Variants in TATDN2 observed in about 807,000 individuals in gnomAD.
TATDN2 encodes the protein TatD DNase domain containing 2.
In TATDN2, 44 loss-of-function variants were observed where a neutral mutation model predicts 60.3. That is an observed-to-expected ratio of 0.73 (90% CI 0.57 to 0.94). The LOEUF (loss-of-function observed/expected upper bound fraction) is 0.94. Ranked by LOEUF, TATDN2 falls within the 40% of genes least tolerant of loss-of-function variation. The pLI, the probability that TATDN2 is intolerant of heterozygous loss-of-function variation, is 0.00. For missense variants in TATDN2, 997 were observed against 948.0 expected (o/e 1.05, Z -0.68); for synonymous variants, 399 against 355.8 (o/e 1.12, Z -1.37).
At chr3:10,251,845 C>T (rs1186056679) in intron 2 of TATDN2, among the ~76,000 whole-genome samples, 2 of 134,754 alleles carry the variant, frequency 1.5e-5, no homozygotes, top group Admixed American at 7.3e-5. Context: ...CCACACCCTG[C>T]AGATTAAAAA....
chr3:10,267,652 G>C (rs1331825086), intron 3 of TATDN2, among the ~76,000 whole-genome samples: 1 of 152,198 alleles, frequency 6.6e-6, no homozygotes, highest in Non-Finnish European at 1.5e-5. Flanking sequence ...TTTTGAATCT[G>C]TGTATTGTTC....
rs755395414 is a variant in TATDN2 at position 10,276,500 on chromosome 3, G to A, written c.1961+12G>A. 1.1e-5 allele frequency: 17 copies of A among 1,612,914 alleles called. No homozygotes were observed. The highest frequency in any genetic ancestry group is 1.4e-5 in the Non-Finnish European group (17 of 1,179,704). On this transcript the variant is annotated intron_variant, in intron 5 of 7. Coordinates refer to ENST00000448281, the MANE Select transcript of TATDN2 (RefSeq NM_014760.4). ...TACAAGATCCATAGGTTAGAAGACT[G>A]GAACTTCAGCGGGCAAATGAAAGAA...
chr3:10,255,422 A>G (rs374190164), intron 2 of TATDN2, among the ~76,000 whole-genome samples: 137 of 152,244 alleles, frequency 9.0e-4, no homozygotes, highest in African/African-American at 3.1e-3. Flanking sequence ...GCCATGTAGC[A>G]GTTTCACTTT....
chr3:10,248,906 G>C lies in TATDN2; in HGVS notation c.-168G>C. 2.7e-6 allele frequency: 1 copy of C among 376,562 alleles called. No individual in the cohort carries two copies. Among genetic ancestry groups the C allele is most frequent in the African/African-American group, 2.1e-5 (1 of 48,266 alleles). 23.3% of individuals were successfully genotyped at this position (376,562 alleles called of 1,614,324 possible). On this transcript the variant is annotated 5_prime_UTR_variant, in exon 1 of 8. Transcript: ENST00000448281. ...GAAGCGCTTAGGCATCTCCGAAGTAGCGCTGGGCAAAGTGAAGGCTTCCTG... is the reference window on the plus strand; with the variant it reads ...GAAGCGCTTAGGCATCTCCGAAGTACCGCTGGGCAAAGTGAAGGCTTCCTG...
rs369667150 is a variant in TATDN2 at position 10,280,361 on chromosome 3, A to T, written c.*1179A>T. 3.9e-5 allele frequency: 6 copies of T among 153,834 alleles called. No individual in the cohort carries two copies. The East Asian group carries it at 7.7e-4, about 20-fold the overall frequency. 9.5% of individuals were successfully genotyped at this position (153,834 alleles called of 1,614,324 possible). A position where few individuals can be genotyped will look rare whatever the true frequency, so the allele number is the denominator to read the frequency against. On this transcript the variant is annotated 3_prime_UTR_variant, in exon 8 of 8. Transcript: ENST00000448281. ...AGCAACTGAGTCATCTCAAGTCCTG[A>T]GCTCTGCTCTGCCGCCTGCTGGTGC...
chr3:10,260,648 A>C lies in TATDN2; in HGVS notation c.926A>C (p.Asp309Ala). 2 of 1,613,242 alleles carry C rather than the reference A, an allele frequency of 1.2e-6. No individual in the cohort carries two copies. The highest frequency in any genetic ancestry group is 1.7e-6 in the Non-Finnish European group (2 of 1,179,674). Residue 309 changes from aspartate (D) to alanine (A), a missense_variant, in exon 3 of 8, where the codon GAC becomes GCC. Coordinates refer to ENST00000448281, the MANE Select transcript of TATDN2 (RefSeq NM_014760.4). ...CCCCTAGAGTTCTTGGATGACTCTG[A>C]CTCTCATTTAGAAATCCAAAAGGTG... ...SPPLEFLDDSDSHLEIQKHKD... is the reference protein window; with the variant it reads ...SPPLEFLDDSASHLEIQKHKD...
At chr3:10,279,182 T>C in intron 7 of TATDN2, 39 bp from the exon 8 acceptor site, 1 of 999,070 alleles carries the variant, frequency 1.0e-6, no homozygotes, top group East Asian at 2.7e-5. Context: ...TTGAGTGACA[T>C]GGTTTGGAAC....
chr3:10,276,125 G>A (rs994967828), intron 4 of TATDN2, among the ~76,000 whole-genome samples: 3 of 152,242 alleles, frequency 2.0e-5, no homozygotes, highest in Non-Finnish European at 4.4e-5. Context: ...TGCATGCTGC[G>A]CAGACAGCAG....
At chr3:10,266,775 G>T (rs1029283080) in intron 3 of TATDN2, among the ~76,000 whole-genome samples, 1 of 152,130 alleles carries the variant, frequency 6.6e-6, no homozygotes, top group Non-Finnish European at 1.5e-5. Context: ...AGATGAATTT[G>T]TTCAATCCAT....
In TATDN2 at chr3:10,260,400, G is replaced by A. The variant is rs779771233; in HGVS notation, c.678G>A (p.Arg226=). The A allele has an allele frequency of 6.2e-7, 1 of 1,613,630 alleles. No individual in the cohort carries two copies. The highest frequency in any genetic ancestry group is 8.5e-7 in the Non-Finnish European group (1 of 1,179,932). The stretch of plus-strand genomic sequence containing the variant: ...CCAGCCATGGAGAAGGACCAGCCAG[G>A]AGTGAAGGACCAGCCAAGACTGCAG... ...EHPSHGEGPA[R]SEGPAKTAEG... The change falls in exon 3 of 8, where the codon AGG becomes AGA. Residue 226 remains arginine (R), a synonymous_variant. Transcript: ENST00000448281.
chr3:10,274,857 A>C (rs1025690172), intron 4 of TATDN2, among the ~76,000 whole-genome samples: 1 of 152,214 alleles, frequency 6.6e-6, no homozygotes, highest in South Asian at 2.1e-4. Flanking sequence ...TCTCAAGTGA[A>C]TATCACCTGA....
chr3:10,250,707 G>T (rs1178865706), intron 2 of TATDN2, among the ~76,000 whole-genome samples: 1 of 152,134 alleles, frequency 6.6e-6, no homozygotes, highest in African/African-American at 2.4e-5. Context: ...GTGTGGGCAC[G>T]TGGATTTTTT....
Position 10,278,365 on chromosome 3 carries a change from C to T in TATDN2, c.2048C>T (p.Thr683Ile). Residue 683 changes from threonine (T) to isoleucine (I), a missense_variant, in exon 6 of 8, where the codon ACA becomes ATA. Physicochemically the swap from Thr to Ile is moderately conservative, Grantham distance 89. Coordinates refer to ENST00000448281, the MANE Select transcript of TATDN2 (RefSeq NM_014760.4). The surrounding 1 kb of genome is among the most constrained non-coding windows in gnomAD (Gnocchi z 4.7). Reference sequence around the variant, plus strand: ...TCTGTGGGCTTCACGGCAGTGCTGACATACTCCTCTGCCTGGGAGGCCCGG... The same window carrying T: ...TCTGTGGGCTTCACGGCAGTGCTGATATACTCCTCTGCCTGGGAGGCCCGG... ...NMSVGFTAVLTYSSAWEAREA... is the reference protein window; with the variant it reads ...NMSVGFTAVLIYSSAWEAREA... 1 of 1,614,204 alleles carries T rather than the reference C, an allele frequency of 6.2e-7. No homozygotes were observed. Among genetic ancestry groups the T allele is most frequent in the Non-Finnish European group, 8.5e-7 (1 of 1,180,024 alleles).
At chr3:10,266,520 C>G (rs1438159818) in intron 3 of TATDN2, among the ~76,000 whole-genome samples, 4 of 152,226 alleles carry the variant, frequency 2.6e-5, no homozygotes, top group Admixed American at 6.5e-5. Context: ...AAGTCAGCCT[C>G]TTTGAACCCC....
intron 3 of TATDN2, among the ~76,000 whole-genome samples, chr3:10,261,071 A>C: frequency 6.6e-6 from 1 of 152,212 alleles, no homozygotes; most frequent in South Asian, 2.1e-4. Context: ...GGATACTCTG[A>C]TAGGACTCAG....
At position 10,270,739 on chromosome 3, in the gene TATDN2, A is replaced by G; in HGVS notation, c.1557A>G (p.Arg519=). 6.2e-7 allele frequency: 1 copy of G among 1,614,238 alleles called. No homozygotes were observed. The highest frequency in any genetic ancestry group is 8.5e-7 in the Non-Finnish European group (1 of 1,180,038). Residue 519 remains arginine (R), a synonymous_variant, in exon 4 of 8, where the codon AGA becomes AGG. Transcript: ENST00000448281. ...LSFQGTFTKF[R]KIYSSSFPKE... ...TCCAAGGGACCTTTACAAAGTTCAG[A>G]AAAATTTACAGCAGCTCCTTCCCTA... is the stretch of plus-strand genomic sequence containing the variant.
intron 2 of TATDN2, among the ~76,000 whole-genome samples, chr3:10,252,499 A>T (rs180722745): frequency 7.9e-4 from 121 of 152,230 alleles, no homozygotes; most frequent in African/African-American, 2.2e-3. Flanking sequence ...CATCTTGATG[A>T]ATTACAAAAC....
At chr3:10,276,578 T>G in intron 5 of TATDN2, 90 bp downstream of exon 5, 2 of 1,504,734 alleles carry the variant, frequency 1.3e-6, no homozygotes, top group Non-Finnish European at 1.8e-6. Flanking sequence ...TCTGTCATTA[T>G]ACACTATCTA....
chr3:10,260,609 A>G lies in TATDN2; in HGVS notation c.887A>G (p.Asp296Gly), dbSNP rs1230148152. 2.5e-6 allele frequency: 4 copies of G among 1,614,206 alleles called. No homozygotes were observed. Among genetic ancestry groups the G allele is most frequent in the Non-Finnish European group, 2.5e-6 (3 of 1,180,032 alleles). The change falls in exon 3 of 8, where the codon GAC becomes GGC. Residue 296 changes from aspartate to glycine, a missense_variant. Physicochemically the swap from Asp to Gly is moderately conservative, Grantham distance 94. Coordinates refer to ENST00000448281, the MANE Select transcript of TATDN2 (RefSeq NM_014760.4). Reference protein sequence around the residue: ...EPLGDRRTVIDKCSPPLEFLD... With the variant: ...EPLGDRRTVIGKCSPPLEFLD... ...CTTGGGGACCGAAGGACTGTCATTG[A>G]CAAATGCTCTCCACCCCTAGAGTTC... is the stretch of plus-strand genomic sequence containing the variant.
Sources: allele counts gnomAD v4.1 joint callset (sites outside exome capture counted in the v4.1 genomes callset), GRCh38; gene constraint gnomAD v4.1.1; non-coding constraint Gnocchi (gnomAD v3.1); transcripts MANE v1.5; gene names NCBI Gene and HGNC (gene_info 2026-07-23, HGNC 2026-07-21).